AP3B1: variants seen among roughly 807,000 people sequenced by gnomAD.
The protein encoded by AP3B1 is AP-3 complex subunit beta-1.
AP3B1 carries 61 observed loss-of-function variants against 132.5 expected under a neutral mutation model. That is an observed-to-expected ratio of 0.46 (90% CI 0.37 to 0.57). The LOEUF (loss-of-function observed/expected upper bound fraction) is 0.57, where lower values mean the gene tolerates loss of function less well. Ranked by LOEUF, AP3B1 falls within the 20% of genes least tolerant of loss-of-function variation. The probability of loss-of-function intolerance (pLI) is 0.00; values close to 1 mark genes in which losing one functional copy is unlikely to be tolerated. For synonymous variants in AP3B1, 388 were observed against 438.3 expected, an observed-to-expected ratio of 0.89 and a Z score of 1.43; for missense variants, 1,120 against 1,289.4, an observed-to-expected ratio of 0.87 and a Z score of 2.01.
intron 15 of AP3B1, among the ~76,000 whole-genome samples, chr5:78,131,562 T>C (rs1313704150): frequency 6.6e-6 from 1 of 152,108 alleles, no homozygotes; most frequent in Non-Finnish European, 1.5e-5. Context: ...CAAATAATTA[T>C]TTTATTTATC....
chr5:78,241,762 CAT>C lies in AP3B1; in HGVS notation c.205-828_205-827del, dbSNP rs1331565328. ...CCTGAGTTCCACATCTCTAACTAGA[CAT>C]CATTAGATTGCTCTCATCCCAAACT... On this transcript the variant is annotated intron_variant, in intron 2 of 26. Transcript: ENST00000255194. Among the ~76,000 whole-genome samples, 5 of 152,196 alleles carry C rather than the reference CAT, an allele frequency of 3.3e-5. No individual in the cohort carries two copies. The East Asian group carries it at 9.6e-4, about 29-fold the overall frequency.
chr5:78,024,054 G>A (rs1424340648), intron 24 of AP3B1, among the ~76,000 whole-genome samples: 1 of 152,128 alleles, frequency 6.6e-6, no homozygotes, highest in Non-Finnish European at 1.5e-5. Flanking sequence ...GCTCTAGAAA[G>A]GAGTAGGATA....
intron 15 of AP3B1, among the ~76,000 whole-genome samples, chr5:78,139,776 C>G (rs915045335): frequency 6.6e-6 from 1 of 151,926 alleles, no homozygotes; most frequent in Non-Finnish European, 1.5e-5. Context: ...TAGAGAGATA[C>G]ACAGCAAATA....
chr5:78,157,707 A>C (rs111659324), intron 13 of AP3B1, among the ~76,000 whole-genome samples: 4,584 of 152,256 alleles, frequency 0.03, 233 homozygotes, highest in African/African-American at 0.1. Flanking sequence ...TACACTACAA[A>C]GGTTTATTTT....
At chr5:78,058,491 C>T (rs1171465690) in intron 22 of AP3B1, among the ~76,000 whole-genome samples, 1 of 151,156 alleles carries the variant, frequency 6.6e-6, no homozygotes, top group Non-Finnish European at 1.5e-5. Context: ...CAGAGTGAGA[C>T]TCCATCTCAA....
intron 24 of AP3B1, among the ~76,000 whole-genome samples, chr5:78,024,475 G>A (rs1222491993): frequency 6.6e-6 from 1 of 150,698 alleles, no homozygotes; most frequent in Non-Finnish European, 1.5e-5. Context: ...TTGCAGCCTC[G>A]ACCTCCTGGG....
intron 2 of AP3B1, among the ~76,000 whole-genome samples, chr5:78,259,749 C>T (rs1053452838): frequency 2.0e-5 from 3 of 152,162 alleles, no homozygotes; most frequent in Admixed American, 1.3e-4. Flanking sequence ...GGGCGGATTA[C>T]TTGACGGTAG....
chr5:78,172,892 G>A (rs1214566868), intron 11 of AP3B1, among the ~76,000 whole-genome samples: 1 of 152,164 alleles, frequency 6.6e-6, no homozygotes, highest in Non-Finnish European at 1.5e-5. Flanking sequence ...TCTCTTGTGA[G>A]CATTTAGTGC....
At chr5:78,046,016 C>T (rs985209936) in intron 22 of AP3B1, among the ~76,000 whole-genome samples, 1 of 152,122 alleles carries the variant, frequency 6.6e-6, no homozygotes, top group African/African-American at 2.4e-5. Flanking sequence ...GTTGTAATAC[C>T]TAAAACATTT....
intron 3 of AP3B1, among the ~76,000 whole-genome samples, chr5:78,229,124 G>A (rs909109945): frequency 2.0e-5 from 3 of 151,962 alleles, no homozygotes; most frequent in Non-Finnish European, 2.9e-5. Flanking sequence ...TAGAGACGGG[G>A]TCTTCCTATG....
chr5:78,182,548 T>C (rs1744415626), intron 7 of AP3B1, among the ~76,000 whole-genome samples: 1 of 152,098 alleles, frequency 6.6e-6, no homozygotes. Flanking sequence ...GACCAGTGAG[T>C]TCCCTGGGTT....
Position 78,129,257 on chromosome 5 carries a change from G to C in AP3B1, c.1701C>G (p.Asn567Lys). The C allele has an allele frequency of 1.2e-6, 2 of 1,613,372 alleles. No homozygotes were observed. Among genetic ancestry groups the C allele is most frequent in the South Asian group, 2.2e-5 (2 of 91,064 alleles). ...YILNLGKYDQ[N>K]YDIRDRTRFI... ...ATCTTGTACGGTCTCTGATGTCGTA[G>C]TTTTGATCATACTTGCCGAGATTTA... Residue 567 changes from asparagine (N) to lysine (K), a missense_variant, in exon 16 of 27, where the codon AAC becomes AAG. By Grantham distance (94) the Asn-to-Lys change is moderately conservative (BLOSUM62 0). This residue lies in a region of AP3B1 where 906 missense variants were observed against 997.1 expected (regional missense o/e 0.91). Transcript: ENST00000255194.
At chr5:78,010,165 A>G (rs1341354453) in intron 26 of AP3B1, among the ~76,000 whole-genome samples, 1 of 152,240 alleles carries the variant, frequency 6.6e-6, no homozygotes, top group Non-Finnish European at 1.5e-5. Context: ...ACTCTGGGAT[A>G]TGTGTAAGAA....
chr5:78,052,818 A>G (rs150889768), intron 22 of AP3B1, among the ~76,000 whole-genome samples: 2 of 152,378 alleles, frequency 1.3e-5, no homozygotes, highest in African/African-American at 4.8e-5. Flanking sequence ...TGTTTTATAT[A>G]TCACGTACGT....
chr5:78,294,353 G>T, intron 1 of AP3B1, 99 bp downstream of exon 1: 1 of 1,582,052 alleles, frequency 6.3e-7, no homozygotes, highest in Non-Finnish European at 8.6e-7. Context: ...CAGACCTCAG[G>T]GCGACCCCGC....
intron 21 of AP3B1, among the ~76,000 whole-genome samples, chr5:78,095,355 CCTT>C (rs1750726870): frequency 6.6e-6 from 1 of 152,190 alleles, no homozygotes; most frequent in Non-Finnish European, 1.5e-5. Context: ...ATGTGTCTGG[CCTT>C]CTTTCAAGAT....
chr5:78,216,090 A>G lies in AP3B1; in HGVS notation c.751T>C (p.Tyr251His). Residue 251 changes from tyrosine to histidine, a missense_variant, in exon 7 of 27, where the codon TAT becomes CAT. Tyr to His is a moderately conservative substitution (Grantham distance 83, BLOSUM62 2). Around this residue, in one of 3 missense-constraint regions of AP3B1, gnomAD observed 906 missense variants for 997.1 expected, o/e 0.91. Transcript: ENST00000255194. ...GGGCTGACAAACTGTGTCCGAGCAT[A>G]TCGAGTTAGCATGTGGATTATGACA... ...QVVIIHMLTR[Y>H]ARTQFVSPWK... 3.1e-6 allele frequency: 5 copies of G among 1,614,070 alleles called. No individual in the cohort carries two copies. Among genetic ancestry groups the G allele is most frequent in the Non-Finnish European group, 4.2e-6 (5 of 1,179,922 alleles).
intron 21 of AP3B1, among the ~76,000 whole-genome samples, chr5:78,097,306 G>A (rs1353893278): frequency 1.2e-4 from 16 of 134,530 alleles, no homozygotes; most frequent in South Asian, 5.0e-4. Context: ...CCCCCCGCCC[G>A]GCCAGCAGCC....
chr5:78,053,695 A>AG (rs1397760626), intron 22 of AP3B1, among the ~76,000 whole-genome samples: 9,683 of 149,140 alleles, frequency 0.065, 1,149 homozygotes, highest in African/African-American at 0.23. Context: ...AAAAAAAAAA[A>AG]AAGAAAGAAA....
Sources: allele counts gnomAD v4.1 joint callset (sites outside exome capture counted in the v4.1 genomes callset), GRCh38; gene constraint gnomAD v4.1.1; regional missense constraint gnomAD v4.1.1; transcripts MANE v1.5; gene names NCBI Gene and HGNC (gene_info 2026-07-23, HGNC 2026-07-21).